The following BEST3 variants were observed in gnomAD, a reference collection of about 807,000 sequenced individuals.
BEST3 encodes the protein bestrophin 3, also known as bestrophin-3.
A neutral mutation model predicts 47.1 loss-of-function variants in BEST3; 50 were observed. That is an observed-to-expected ratio of 1.06 (90% confidence interval 0.85 to 1.34). BEST3 has a LOEUF of 1.34. BEST3 is among the 40% of genes most tolerant of loss of function. The pLI, the probability that BEST3 is intolerant of heterozygous loss-of-function variation, is 0.00. For missense variants in BEST3, 765 were observed against 817.0 expected (o/e 0.94, Z 0.78); for synonymous variants, 282 against 298.8 (o/e 0.94, Z 0.58).
At position 69,693,767 on chromosome 12, in the gene BEST3, G is replaced by C. The variant is rs1466171439; in HGVS notation, c.388C>G (p.Arg130Gly). The C allele has an allele frequency of 6.2e-6, 10 of 1,614,150 alleles. No individual in the cohort carries two copies. In the South Asian group the frequency reaches 8.8e-5, roughly 14 times the overall value. The change falls in exon 4 of 10, where the codon CGC becomes GGC. Residue 130 changes from arginine to glycine, a missense_variant. Physicochemically the swap from Arg to Gly is moderately radical, Grantham distance 125 (BLOSUM62 -2). Transcript: ENST00000330891. Reference protein sequence around the residue: ...HGRLLRRTLMRYVNLTSLLIF... With the variant: ...HGRLLRRTLMGYVNLTSLLIF... ...AGCAGGGAGGTGAGATTGACGTAGC[G>C]CATCAGCGTCCTTCTAAGCAGGCGC...
In BEST3 at chr12:69,655,564, C is replaced by T; in HGVS notation, c.1350G>A (p.Trp450Ter). ...SRNPPRASPT[W>*]KKSCFPEGSP... ...TTCCTTCTGGGAAGCAGGATTTCTTCCAGGTGGGTGAGGCCCTGGGGGGGT... is the reference window on the plus strand; with the variant it reads ...TTCCTTCTGGGAAGCAGGATTTCTTTCAGGTGGGTGAGGCCCTGGGGGGGT... Residue 450 changes from tryptophan to a stop codon, truncating the protein, a stop_gained, in exon 10 of 10, where the codon TGG becomes TGA. Coordinates refer to ENST00000330891, the MANE Select transcript of BEST3 (RefSeq NM_032735.3). LOFTEE classifies it low-confidence loss of function (END_TRUNC). 1.2e-6 allele frequency: 2 copies of T among 1,613,984 alleles called. No individual in the cohort carries two copies. Among genetic ancestry groups the T allele is most frequent in the Non-Finnish European group, 1.7e-6 (2 of 1,179,984 alleles).
In BEST3 at chr12:69,656,369, ATCTG is replaced by A. The variant is rs141851704; in HGVS notation, c.1101-560_1101-557del. 1.3e-3 allele frequency among the ~76,000 whole-genome samples: 195 copies of A among 150,106 alleles called. 1 individual carries two copies. Among genetic ancestry groups the A allele is most frequent in the African/African-American group, 4.8e-3 (194 of 40,708 alleles). ...TCTATATATCTATATCTATGAATCTATCTGTCTGTCTGTCTATCTATCTATCTAT... is the reference window on the plus strand; with the variant it reads ...TCTATATATCTATATCTATGAATCTATCTGTCTGTCTATCTATCTATCTAT... On this transcript the variant is annotated intron_variant, in intron 9 of 9. Coordinates refer to ENST00000330891, the MANE Select transcript of BEST3 (RefSeq NM_032735.3).
At chr12:69,652,179 C>T (rs902011148), downstream of BEST3, among the ~76,000 whole-genome samples, 4 of 152,132 alleles carry the variant, frequency 2.6e-5, no homozygotes, top group South Asian at 2.1e-4. Context: ...AGGGAGAGAA[C>T]GCAACAAATA....
chr12:69,697,556 A>T, intron 2 of BEST3, 91 bp downstream of exon 2: 1 of 1,071,450 alleles, frequency 9.3e-7, no homozygotes. Context: ...CCATAATGCG[A>T]AGTCAGTGGC....
chr12:69,671,485 G>C lies in BEST3; in HGVS notation c.1043C>G (p.Thr348Arg). 6.2e-7 allele frequency: 1 copy of C among 1,614,082 alleles called. No homozygotes were observed. Among genetic ancestry groups the C allele is most frequent in the African/African-American group, 1.3e-5 (1 of 75,038 alleles). The change falls in exon 9 of 10, where the codon ACA becomes AGA. Residue 348 changes from threonine (T) to arginine (R), a missense_variant. Transcript: ENST00000330891. ...TATGCAGTAGTCAGCAGCTGCCAATGTGTATGGTGGGCGAGCAGCAGAATC... is the reference window on the plus strand; with the variant it reads ...TATGCAGTAGTCAGCAGCTGCCAATCTGTATGGTGGGCGAGCAGCAGAATC... Reference protein sequence around the residue: ...WDDSAARPPYTLAAADYCIPS... With the variant: ...WDDSAARPPYRLAAADYCIPS...
chr12:69,664,161 A>G (rs1412492912), intron 9 of BEST3, among the ~76,000 whole-genome samples: 1 of 152,178 alleles, frequency 6.6e-6, no homozygotes, highest in African/African-American at 2.4e-5. Flanking sequence ...GATTTTTAAC[A>G]TGCCCCATGC....
At chr12:69,643,811 A>G in intron 9 of BEST3, 3 of 704,968 alleles carry the variant, frequency 4.3e-6, no homozygotes, top group Non-Finnish European at 5.3e-6. Context: ...GAGAAGGGAG[A>G]ATGGTCTTTT....
intron 4 of BEST3, among the ~76,000 whole-genome samples, chr12:69,686,207 C>T (rs557594879): frequency 6.9e-6 from 1 of 145,680 alleles, no homozygotes; most frequent in South Asian, 2.2e-4. Flanking sequence ...AACAAACAGC[C>T]CACCCAGGGC....
intron 9 of BEST3, among the ~76,000 whole-genome samples, chr12:69,668,406 A>G (rs1884359133): frequency 6.6e-6 from 1 of 152,136 alleles, no homozygotes; most frequent in South Asian, 2.1e-4. Context: ...CAGCATCTTG[A>G]CACGTGATCT....
intron 9 of BEST3, among the ~76,000 whole-genome samples, chr12:69,669,188 A>G (rs1478827794): frequency 1.3e-5 from 2 of 152,204 alleles, no homozygotes; most frequent in East Asian, 1.9e-4. Context: ...GCATTAAGAA[A>G]TCCAAAGGGG....
In BEST3 at chr12:69,677,213, A is replaced by G; in HGVS notation, c.681T>C (p.Tyr227=). 6.2e-7 allele frequency: 1 copy of G among 1,613,810 alleles called. No homozygotes were observed. Among genetic ancestry groups the G allele is most frequent in the South Asian group, 1.1e-5 (1 of 90,984 alleles). Residue 227 remains tyrosine, a synonymous_variant, in exon 6 of 10, where the codon TAT becomes TAC. Coordinates refer to ENST00000330891, the MANE Select transcript of BEST3 (RefSeq NM_032735.3). ...AAACCAGCGGAATCCCAACCCAGTCATAACCGAATAAGAGGCTGCACCAAG... is the reference window on the plus strand; with the variant it reads ...AAACCAGCGGAATCCCAACCCAGTCGTAACCGAATAAGAGGCTGCACCAAG... ...YRSWCSLLFG[Y]DWVGIPLVYT...
chr12:69,687,918 G>T (rs572525399), intron 4 of BEST3, among the ~76,000 whole-genome samples: 8 of 152,160 alleles, frequency 5.3e-5, no homozygotes, highest in Admixed American at 4.6e-4. Context: ...GACCATATTT[G>T]TTCTGCTTAT....
rs866066887 is a variant in BEST3, at chr12:69,654,321, G to T, written c.*586C>A. The T allele has an allele frequency of 3.0e-6, 3 of 984,826 alleles. No individual in the cohort carries two copies. Among genetic ancestry groups the T allele is most frequent in the South Asian group, 9.4e-5 (2 of 21,252 alleles). The allele number at this position is 984,826 out of a possible 1,614,324, so 61.0% of individuals were successfully genotyped here. A position where few individuals can be genotyped will look rare whatever the true frequency, so the allele number is the denominator to read the frequency against. ...GAGAAAAGTAAAAAAGGAAATTGAA[G>T]AGAATTAAGTGTTCTGGTGCTGATG... On this transcript the variant is annotated 3_prime_UTR_variant, in exon 10 of 10. Coordinates refer to ENST00000330891, the MANE Select transcript of BEST3 (RefSeq NM_032735.3).
chr12:69,682,081 C>CAAAAAAAA (rs35331064), intron 4 of BEST3, among the ~76,000 whole-genome samples: 33 of 101,452 alleles, frequency 3.3e-4, no homozygotes, highest in Admixed American at 6.0e-4. Context: ...GACTCCGTCT[C>CAAAAAAAA]AAAAAAAAAA....
chr12:69,655,570 G>A lies in BEST3; in HGVS notation c.1344C>T (p.Pro448=). 2.5e-6 allele frequency: 4 copies of A among 1,614,106 alleles called. No individual in the cohort carries two copies. The highest frequency in any genetic ancestry group is 1.6e-4 in the Middle Eastern group (1 of 6,062). ...CTGGGAAGCAGGATTTCTTCCAGGT[G>A]GGTGAGGCCCTGGGGGGGTTTCTTG... ...VPSRNPPRAS[P]TWKKSCFPEG... Residue 448 remains proline, a synonymous_variant, in exon 10 of 10, where the codon CCC becomes CCT. Transcript: ENST00000330891.
intron 9 of BEST3, among the ~76,000 whole-genome samples, chr12:69,657,821 C>T (rs1379753522): frequency 1.3e-5 from 2 of 152,288 alleles, no homozygotes; most frequent in East Asian, 3.9e-4. Context: ...TGTCCTGGGA[C>T]GGCGTTCGAT....
chr12:69,664,683 AT>A (rs1415577928), intron 9 of BEST3, among the ~76,000 whole-genome samples: 1 of 147,838 alleles, frequency 6.8e-6, no homozygotes, highest in Non-Finnish European at 1.5e-5. Flanking sequence ...AACATATAAA[AT>A]ATTATATTTA....
In BEST3 at chr12:69,684,972, C is replaced by T. The variant is rs543079655; in HGVS notation, c.482-6079G>A. ...GTTATTGGCCCTGCCACATGATGTG[C>T]TTTCTGCTGTTCTATTCTATTCTAT... On this transcript the variant is annotated intron_variant, in intron 4 of 9. Coordinates refer to ENST00000330891, the MANE Select transcript of BEST3 (RefSeq NM_032735.3). Among the ~76,000 whole-genome samples the T allele has an allele frequency of 3.0e-5, 4 of 132,706 alleles. No homozygotes were observed. The East Asian group carries it at 6.5e-4, about 22-fold the overall frequency. The allele number at this position is 132,706 out of a possible 152,430, so 87.1% of individuals were successfully genotyped here.
intron 4 of BEST3, among the ~76,000 whole-genome samples, chr12:69,691,659 G>C (rs1592375994): frequency 1.3e-5 from 2 of 152,224 alleles, no homozygotes; most frequent in South Asian, 4.1e-4. Context: ...AGGCGTGGTG[G>C]TGTGCGCCTG....
Sources: gnomAD v4.1 joint callset for allele counts (sites outside exome capture counted in the v4.1 genomes callset) on GRCh38, gnomAD v4.1.1 for gene constraint, MANE v1.5 for transcripts, NCBI Gene and HGNC (gene_info 2026-07-23, HGNC 2026-07-21) for gene names.